The following HTR2A variants were observed in gnomAD, a reference collection of about 807,000 sequenced individuals.
HTR2A encodes 5-HT2 receptor.
Under a neutral mutation model 31.0 loss-of-function variants are expected in HTR2A, and 14 were observed. That is an observed-to-expected ratio of 0.45 (90% confidence interval 0.30 to 0.71). The LOEUF (loss-of-function observed/expected upper bound fraction) is 0.71, where lower values mean the gene tolerates loss of function less well. HTR2A is among the 30% of genes least tolerant of loss of function. HTR2A has a pLI of 0.09. For missense variants in HTR2A, 442 were observed against 573.3 expected (o/e 0.77, Z 2.34); for synonymous variants, 209 against 225.2 (o/e 0.93, Z 0.64).
At chr13:46,890,993 A>C (rs928714720) in intron 3 of HTR2A, among the ~76,000 whole-genome samples, 16 of 152,190 alleles carry the variant, frequency 1.1e-4, no homozygotes, top group African/African-American at 3.6e-4. Context: ...TCCAACTTGC[A>C]CAGTCCCAGA....
intron 3 of HTR2A, among the ~76,000 whole-genome samples, chr13:46,877,674 T>C (rs1950926254): frequency 6.6e-6 from 1 of 152,020 alleles, no homozygotes; most frequent in Non-Finnish European, 1.5e-5. Context: ...ACTCTGAAAA[T>C]TTGTGACCTA....
intron 3 of HTR2A, among the ~76,000 whole-genome samples, chr13:46,876,399 TATATA>T (rs201933514): frequency 0.035 from 3,203 of 92,080 alleles, 186 homozygotes; most frequent in African/African-American, 0.11. Context: ...TATATATATA[TATATA>T]TTTTTTTTTT....
In HTR2A at chr13:46,832,077, A is replaced by G. The variant is rs1277003232; in HGVS notation, c.*2760T>C. 1 of 152,250 alleles carries G rather than the reference A, an allele frequency of 6.6e-6. No homozygotes were observed. The highest frequency in any genetic ancestry group is 1.5e-5 in the Non-Finnish European group (1 of 68,032). 9.4% of individuals were successfully genotyped at this position (152,250 alleles called of 1,614,324 possible). On this transcript the variant is annotated 3_prime_UTR_variant, in exon 4 of 4. Coordinates refer to ENST00000542664, the MANE Select transcript of HTR2A (RefSeq NM_000621.5). ...CAAAGGTACCATTTTATTTAGGATC[A>G]AGAAACTATATATGTGGACCATTGT...
In HTR2A at chr13:46,834,647, A is replaced by T; in HGVS notation, c.*190T>A. ...AAGCTCACAGCTGAAATGCTGTCAG[A>T]ACATTTTCCAAGCACACATTTTGTA... On this transcript the variant is annotated 3_prime_UTR_variant, in exon 4 of 4. Coordinates refer to ENST00000542664, the MANE Select transcript of HTR2A (RefSeq NM_000621.5). The T allele has an allele frequency of 1.8e-6, 1 of 544,064 alleles. No homozygotes were observed. The highest frequency in any genetic ancestry group is 3.2e-6 in the Non-Finnish European group (1 of 310,268). The allele number at this position is 544,064 out of a possible 1,614,324, so 33.7% of individuals were successfully genotyped here.
intron 3 of HTR2A, among the ~76,000 whole-genome samples, chr13:46,842,830 A>G (rs1448357247): frequency 1.3e-5 from 2 of 152,144 alleles, no homozygotes; most frequent in Non-Finnish European, 2.9e-5. Context: ...CTCCTCTCAT[A>G]TATGTCTTCT....
intron 3 of HTR2A, among the ~76,000 whole-genome samples, chr13:46,843,201 G>T (rs981685432): frequency 6.6e-6 from 1 of 152,170 alleles, no homozygotes; most frequent in Non-Finnish European, 1.5e-5. Flanking sequence ...AGAGTAGTGA[G>T]GTTGGCATAT....
chr13:46,846,231 GATC>G (rs1418178675), intron 3 of HTR2A, among the ~76,000 whole-genome samples: 3 of 152,044 alleles, frequency 2.0e-5, no homozygotes, highest in African/African-American at 7.2e-5. Flanking sequence ...TTCAAGAGAT[GATC>G]ATGAGAAATA....
intron 3 of HTR2A, among the ~76,000 whole-genome samples, chr13:46,837,330 T>C (rs1053778044): frequency 6.6e-6 from 1 of 152,170 alleles, no homozygotes; most frequent in East Asian, 1.9e-4. Flanking sequence ...AGATGGCTTA[T>C]TCTCTCTGCC....
intron 3 of HTR2A, among the ~76,000 whole-genome samples, chr13:46,840,014 C>T (rs1950586568): frequency 6.6e-6 from 1 of 152,086 alleles, no homozygotes. Flanking sequence ...AGTGGCAGTC[C>T]CTAGGGCCCT....
intron 3 of HTR2A, among the ~76,000 whole-genome samples, chr13:46,865,640 T>TCAC (rs1270520546): frequency 6.6e-6 from 1 of 152,192 alleles, no homozygotes; most frequent in Non-Finnish European, 1.5e-5. Context: ...GCCATGTGTG[T>TCAC]ACTGACCACT....
At position 46,896,038 on chromosome 13, in the gene HTR2A, G is replaced by A; in HGVS notation, c.-132C>T. ...TGTACATGCTGTTCTCCCGGGGCTG[G>A]ATTTTTGTCTTCCATTATTACAATG... On this transcript the variant is annotated 5_prime_UTR_variant, in exon 2 of 4. Coordinates refer to ENST00000542664, the MANE Select transcript of HTR2A (RefSeq NM_000621.5). 7.1e-7 allele frequency: 1 copy of A among 1,415,822 alleles called. No homozygotes were observed. The highest frequency in any genetic ancestry group is 1.4e-5 in the African/African-American group (1 of 69,498). 87.7% of individuals were successfully genotyped at this position (1,415,822 alleles called of 1,614,324 possible). A position where few individuals can be genotyped will look rare whatever the true frequency, so the allele number is the denominator to read the frequency against.
chr13:46,887,777 T>A (rs978606826), intron 3 of HTR2A, among the ~76,000 whole-genome samples: 3 of 152,152 alleles, frequency 2.0e-5, no homozygotes, highest in Admixed American at 1.3e-4. Context: ...TCAGTAAAGC[T>A]ATCTCAAGAA....
At position 46,835,121 on chromosome 13, in the gene HTR2A, G is replaced by A; in HGVS notation, c.1132C>T (p.Leu378=). ...GTCTTGTTGAACAGTGTGTAGACTA[G>A]TGGGTTGACTGCTGAAGAGAGATAA... The part of the protein sequence containing the change: ...IGYLSSAVNP[L]VYTLFNKTYR... Residue 378 remains leucine, a synonymous_variant, in exon 4 of 4, where the codon CTA becomes TTA. Transcript: ENST00000542664. 6.2e-7 allele frequency: 1 copy of A among 1,613,990 alleles called. No homozygotes were observed. The highest frequency in any genetic ancestry group is 2.2e-5 in the East Asian group (1 of 44,882).
rs1278970862 is a variant in HTR2A at position 46,895,246 on chromosome 13, C to A, written c.412+249G>T. 1 of 386,530 alleles carries A rather than the reference C, an allele frequency of 2.6e-6. No individual in the cohort carries two copies. The highest frequency in any genetic ancestry group is 2.0e-5 in the African/African-American group (1 of 49,502). The allele number at this position is 386,530 out of a possible 1,614,324, so 23.9% of individuals were successfully genotyped here. On this transcript the variant is annotated intron_variant, in intron 2 of 3. Transcript: ENST00000542664. The surrounding 1 kb of genome is among the most constrained non-coding windows in gnomAD (Gnocchi z 4.4). ...TTGAAGCACAAAACTCTCCAATGAT[C>A]ATTTTTACACAGGATGTACGCGTTT...
chr13:46,848,191 G>A (rs1212857552), intron 3 of HTR2A, among the ~76,000 whole-genome samples: 1 of 152,182 alleles, frequency 6.6e-6, no homozygotes, highest in Non-Finnish European at 1.5e-5. Context: ...TTTGGAGGGA[G>A]AATTTTTTGT....
chr13:46,860,201 G>A (rs1260171484), intron 3 of HTR2A, among the ~76,000 whole-genome samples: 1 of 152,170 alleles, frequency 6.6e-6, no homozygotes, highest in South Asian at 2.1e-4. Context: ...TGTCTGTGCT[G>A]TACAGGTTGG....
chr13:46,890,159 C>T (rs1021304318), intron 3 of HTR2A, among the ~76,000 whole-genome samples: 3 of 152,210 alleles, frequency 2.0e-5, no homozygotes, highest in African/African-American at 7.2e-5. Flanking sequence ...GCCTGACCAA[C>T]ATGGAGAAAC....
intron 1 of HTR2A, 105 bp downstream of exon 1, chr13:46,896,569 T>G (rs1951106758): frequency 1.1e-6 from 1 of 903,214 alleles, no homozygotes; most frequent in Admixed American, 3.4e-5. Flanking sequence ...CAGACAACTT[T>G]CCTCCCTGGA....
intron 3 of HTR2A, among the ~76,000 whole-genome samples, chr13:46,874,557 A>T (rs1403619294): frequency 6.6e-6 from 1 of 152,228 alleles, no homozygotes; most frequent in South Asian, 2.1e-4. Context: ...ACACTGATGC[A>T]TGGTTTTCAG....
Sources: allele counts gnomAD v4.1 joint callset (sites outside exome capture counted in the v4.1 genomes callset), GRCh38; gene constraint gnomAD v4.1.1; non-coding constraint Gnocchi (gnomAD v3.1); transcripts MANE v1.5; gene names NCBI Gene and HGNC (gene_info 2026-07-23, HGNC 2026-07-21).